Variants in COL4A3 observed in about 807,000 individuals in gnomAD.
COL4A3 encodes the protein collagen alpha-3(IV) chain.
COL4A3 carries 135 observed loss-of-function variants against 217.4 expected under a neutral mutation model. The observed-to-expected ratio is 0.62, with a 90% CI of 0.54 to 0.72. COL4A3 has a LOEUF of 0.72. Among genes scored for constraint, COL4A3 ranks in the 30% least tolerant of loss-of-function variants. The probability of loss-of-function intolerance (pLI) is 0.00; values close to 1 mark genes in which losing one functional copy is unlikely to be tolerated. For missense variants in COL4A3, 1,868 were observed against 2,119.9 expected, an observed-to-expected ratio of 0.88 and a Z score of 2.33; for synonymous variants, 690 against 736.3, an observed-to-expected ratio of 0.94 and a Z score of 1.02.
Position 227,291,139 on chromosome 2 carries a change from CAGA to C in COL4A3, c.3210+259_3210+261del, listed in dbSNP as rs1433624928. 13 of 472,682 alleles carry C rather than the reference CAGA, an allele frequency of 2.8e-5. 1 individual carries two copies. The highest frequency in any genetic ancestry group is 2.1e-4 in the South Asian group (10 of 48,080). The allele number at this position is 472,682 out of a possible 1,614,324, so 29.3% of individuals were successfully genotyped here. A position where few individuals can be genotyped will look rare whatever the true frequency, so the allele number is the denominator to read the frequency against. ...TGTCTCTGCAATTTAGGTGTGCTGCCAGAAGAAGGCAGTGATTACAGGCCCATA... is the reference window on the plus strand; with the variant it reads ...TGTCTCTGCAATTTAGGTGTGCTGCCAGAAGGCAGTGATTACAGGCCCATA... On this transcript the variant is annotated intron_variant, in intron 37 of 51. Coordinates refer to ENST00000396578, the MANE Select transcript of COL4A3 (RefSeq NM_000091.5).
rs1295998864 is a variant in COL4A3 at position 227,293,181 on chromosome 2, T to C, written c.3211-10T>C. Reference sequence around the variant, plus strand: ...TATGAGAATTTTAAAGGTATTTGACTACATTTAAGGGGGATCCAGGACTGC... The same window carrying C: ...TATGAGAATTTTAAAGGTATTTGACCACATTTAAGGGGGATCCAGGACTGC... On this transcript the variant is annotated splice_polypyrimidine_tract_variant and intron_variant, in intron 37 of 51. Transcript: ENST00000396578. 19 of 1,613,682 alleles carry C rather than the reference T, an allele frequency of 1.2e-5. No homozygotes were observed. The highest frequency in any genetic ancestry group is 2.2e-5 in the East Asian group (1 of 44,882).
chr2:227,289,056 T>C, intron 34 of COL4A3, 94 bp from the exon 35 acceptor site: 1 of 913,402 alleles, frequency 1.1e-6, no homozygotes, highest in East Asian at 2.8e-5. Context: ...GTTCAAGTGA[T>C]TTTCCTGCCT....
chr2:227,202,951 A>C (rs1258147270), intron 1 of COL4A3, among the ~76,000 whole-genome samples: 3 of 38,564 alleles, frequency 7.8e-5, no homozygotes, highest in Admixed American at 6.5e-4. Context: ...ATGTGTATAT[A>C]TACATATATG....
At chr2:227,310,252 G>A (rs185104870) in intron 50 of COL4A3, among the ~76,000 whole-genome samples, 1 of 152,218 alleles carries the variant, frequency 6.6e-6, no homozygotes. Flanking sequence ...GCTGCACGCA[G>A]GTGGTTCTTT....
intron 23 of COL4A3, among the ~76,000 whole-genome samples, chr2:227,267,938 G>A (rs1227457432): frequency 1.3e-5 from 2 of 152,074 alleles, no homozygotes; most frequent in African/African-American, 2.4e-5. Flanking sequence ...CTCTGCTTTC[G>A]ACCTCCCCGT....
intron 1 of COL4A3, among the ~76,000 whole-genome samples, chr2:227,213,901 C>CAAAAA (rs5839195): frequency 4.5e-5 from 4 of 89,308 alleles, no homozygotes; most frequent in South Asian, 4.1e-4. Context: ...AACTCTGTCT[C>CAAAAA]AAAAAAAAAA....
chr2:227,216,186 G>A (rs372210343), intron 1 of COL4A3, among the ~76,000 whole-genome samples: 29 of 152,250 alleles, frequency 1.9e-4, no homozygotes, highest in African/African-American at 5.8e-4. Context: ...TAACACCAAT[G>A]ACCTGCACAC....
chr2:227,202,759 A>G (rs1193484247), intron 1 of COL4A3, among the ~76,000 whole-genome samples: 1 of 137,700 alleles, frequency 7.3e-6, no homozygotes, highest in East Asian at 2.0e-4. Context: ...ATATATATAT[A>G]TATATATATA....
rs75682943 is a variant in COL4A3 at position 227,199,114 on chromosome 2, A to C, written c.87+34301A>C. Reference sequence around the variant, plus strand: ...GCAAACTGAATTGAGGAATGAAAAAATTCAGGTTAGGCTCAGAGGAACATA... The same window carrying C: ...GCAAACTGAATTGAGGAATGAAAAACTTCAGGTTAGGCTCAGAGGAACATA... On this transcript the variant is annotated intron_variant, in intron 1 of 51. Transcript: ENST00000396578. Among the ~76,000 whole-genome samples, 804 of 152,290 alleles carry C rather than the reference A, an allele frequency of 5.3e-3. 7 individuals carry two copies. The highest frequency in any genetic ancestry group is 0.019 in the African/African-American group (779 of 41,558).
chr2:227,203,079 ATGTG>A lies in COL4A3; in HGVS notation c.88-34887_88-34884del, dbSNP rs370798847. 9.9e-5 allele frequency among the ~76,000 whole-genome samples: 3 copies of A among 30,214 alleles called. 1 individual carries two copies. Among genetic ancestry groups the A allele is most frequent in the East Asian group, 1.1e-3 (1 of 902 alleles). 19.8% of individuals were successfully genotyped at this position (30,214 alleles called of 152,430 possible). A position where few individuals can be genotyped will look rare whatever the true frequency, so the allele number is the denominator to read the frequency against. The stretch of plus-strand genomic sequence containing the variant: ...TGTATATATACATATATGTGTATAT[ATGTG>A]TATATATGTGTATATATACATATAT... On this transcript the variant is annotated intron_variant, in intron 1 of 51. Coordinates refer to ENST00000396578, the MANE Select transcript of COL4A3 (RefSeq NM_000091.5).
Position 227,266,510 on chromosome 2 carries a change from G to A in COL4A3, c.1408+1G>A, listed in dbSNP as rs1185847791. The A allele has an allele frequency of 2.5e-6, 4 of 1,611,762 alleles. No individual in the cohort carries two copies. Among genetic ancestry groups the A allele is most frequent in the Non-Finnish European group, 3.4e-6 (4 of 1,178,028 alleles). Reference sequence around the variant, plus strand: ...ATCCCAGGAGTTGATGGGCCCAAAGGTTGGTTCAATCAATAATGTTGTATT... The same window carrying A: ...ATCCCAGGAGTTGATGGGCCCAAAGATTGGTTCAATCAATAATGTTGTATT... On this transcript the variant is annotated splice_donor_variant, in intron 22 of 51. Transcript: ENST00000396578. LOFTEE classifies it high-confidence loss of function.
At position 227,244,943 on chromosome 2, in the gene COL4A3, G is replaced by C; in HGVS notation, c.280-8G>C. 1.2e-6 allele frequency: 2 copies of C among 1,609,054 alleles called. No individual in the cohort carries two copies. Among genetic ancestry groups the C allele is most frequent in the Non-Finnish European group, 1.7e-6 (2 of 1,177,632 alleles). On this transcript the variant is annotated splice_polypyrimidine_tract_variant and splice_region_variant and intron_variant, in intron 4 of 51. Coordinates refer to ENST00000396578, the MANE Select transcript of COL4A3 (RefSeq NM_000091.5). ...TTTGCCACCCCCTCCTTTTTCCTATGTCTTCAGGGAATAAGTGGATTGCCA... is the reference window on the plus strand; with the variant it reads ...TTTGCCACCCCCTCCTTTTTCCTATCTCTTCAGGGAATAAGTGGATTGCCA...
intron 43 of COL4A3, among the ~76,000 whole-genome samples, chr2:227,299,477 G>A (rs542044958): frequency 3.3e-5 from 5 of 152,286 alleles, no homozygotes; most frequent in African/African-American, 1.2e-4. Context: ...CCACCCCCAT[G>A]ATTCAATTAC....
rs769476991 is a variant in COL4A3, at chr2:227,279,839, A to G, written c.2172A>G (p.Gly724=). 6.2e-7 allele frequency: 1 copy of G among 1,610,646 alleles called. No individual in the cohort carries two copies. The highest frequency in any genetic ancestry group is 8.5e-7 in the Non-Finnish European group (1 of 1,178,602). Residue 724 remains glycine (G), a synonymous_variant, in exon 29 of 52, where the codon GGA becomes GGG. Transcript: ENST00000396578. ...CAAAAGGATCACTGGGTTGTCCTGG[A>G]AAAATGGGAGAGCCTGGGTTACCTG... ...PGTKGSLGCP[G]KMGEPGLPGK...
chr2:227,190,447 A>G (rs1398765863), intron 1 of COL4A3, among the ~76,000 whole-genome samples: 3 of 152,240 alleles, frequency 2.0e-5, no homozygotes, highest in Non-Finnish European at 2.9e-5. Context: ...ACACTTCTAC[A>G]GTCTGAAGCA....
chr2:227,310,117 C>T (rs2073684667), intron 50 of COL4A3, among the ~76,000 whole-genome samples: 1 of 152,156 alleles, frequency 6.6e-6, no homozygotes, highest in Admixed American at 6.5e-5. Context: ...AAATCTGTGC[C>T]CCTTTTGACA....
intron 47 of COL4A3, among the ~76,000 whole-genome samples, chr2:227,306,388 C>G (rs2073502323): frequency 6.6e-6 from 1 of 152,200 alleles, no homozygotes; most frequent in Non-Finnish European, 1.5e-5. Context: ...ACTTCCAGTT[C>G]CTGCCCTGCT....
At chr2:227,199,107 T>A (rs1035841281) in intron 1 of COL4A3, among the ~76,000 whole-genome samples, 1 of 152,110 alleles carries the variant, frequency 6.6e-6, no homozygotes, top group Non-Finnish European at 1.5e-5. Flanking sequence ...AATTGAGGAA[T>A]GAAAAAATTC....
intron 8 of COL4A3, among the ~76,000 whole-genome samples, 196 bp downstream of exon 8, chr2:227,247,780 C>T (rs1428703933): frequency 6.6e-6 from 1 of 152,090 alleles, no homozygotes; most frequent in Non-Finnish European, 1.5e-5. Context: ...CATAAAGAGT[C>T]TTAAGGATAC....
Sources: gnomAD v4.1 joint callset for allele counts (sites outside exome capture counted in the v4.1 genomes callset) on GRCh38, gnomAD v4.1.1 for gene constraint, MANE v1.5 for transcripts, NCBI Gene and HGNC (gene_info 2026-07-23, HGNC 2026-07-21) for gene names.